LRRC37A2: variants seen among roughly 807,000 people sequenced by gnomAD.
The protein encoded by LRRC37A2 is leucine-rich repeat-containing protein 37A2.
LRRC37A2 carries 9 observed loss-of-function variants against 68.8 expected under a neutral mutation model. That is an observed-to-expected ratio of 0.13 (90% CI 0.08 to 0.23). The LOEUF (loss-of-function observed/expected upper bound fraction) is 0.23. Among genes scored for constraint, LRRC37A2 ranks in the 10% least tolerant of loss-of-function variants. LRRC37A2 has a pLI of 1.00. For missense variants in LRRC37A2, 168 were observed against 950.4 expected (o/e 0.18, Z 10.82); for synonymous variants, 63 against 367.6 (o/e 0.17, Z 9.48).
At chr17:46,783,852 A>G in the LRRC37A2 span, among the ~76,000 whole-genome samples, 1 of 152,230 alleles carries the variant, frequency 6.6e-6, no homozygotes, top group African/African-American at 2.4e-5. Context: ...GCAGCTAGAA[A>G]GGGGCCCTGA....
chr17:46,600,016 G>A, the LRRC37A2 span, among the ~76,000 whole-genome samples: 1 of 59,442 alleles, frequency 1.7e-5, no homozygotes, highest in South Asian at 6.5e-4. Context: ...GGAGTGCAGT[G>A]GCGCAGTCAT....
chr17:46,703,722 T>TAA, the LRRC37A2 span, among the ~76,000 whole-genome samples: 33 of 128,870 alleles, frequency 2.6e-4, no homozygotes, highest in Non-Finnish European at 8.4e-5. Context: ...CAGAAAACCA[T>TAA]AAAATTTACC....
chr17:46,975,759 C>T, the LRRC37A2 span, among the ~76,000 whole-genome samples: 12 of 152,152 alleles, frequency 7.9e-5, no homozygotes, highest in South Asian at 2.1e-4. Context: ...TTAGTACACA[C>T]GCGTCTTCAC....
chr17:46,827,043 T>C, the LRRC37A2 span, among the ~76,000 whole-genome samples: 3 of 152,146 alleles, frequency 2.0e-5, no homozygotes, highest in Non-Finnish European at 2.9e-5. Flanking sequence ...TCCCAGAGTG[T>C]TGGGATTACA....
chr17:46,791,687 A>C, the LRRC37A2 span, among the ~76,000 whole-genome samples: 1 of 152,228 alleles, frequency 6.6e-6, no homozygotes, highest in Non-Finnish European at 1.5e-5. Context: ...TTCTACTTAC[A>C]TTCATCACAG....
the LRRC37A2 span, among the ~76,000 whole-genome samples, chr17:46,719,561 G>A: frequency 2.6e-5 from 4 of 152,130 alleles, no homozygotes; most frequent in Admixed American, 1.3e-4. The surrounding 1 kb of genome is among the most constrained non-coding windows in gnomAD (Gnocchi z 4.3). Context: ...TTGTCCTCAC[G>A]TTCTGGGGGG....
chr17:46,888,431 G>C, the LRRC37A2 span, among the ~76,000 whole-genome samples: 3 of 152,168 alleles, frequency 2.0e-5, no homozygotes, highest in Non-Finnish European at 2.9e-5. Context: ...ATTGGCAGAG[G>C]CTAGGGAGAG....
the LRRC37A2 span, among the ~76,000 whole-genome samples, chr17:46,825,410 G>A: frequency 3.9e-5 from 6 of 152,350 alleles, no homozygotes; most frequent in South Asian, 8.3e-4. Context: ...CTCTGAGGGC[G>A]GAAAGTGTCT....
chr17:46,755,898 T>C, the LRRC37A2 span: 1 of 1,410,080 alleles, frequency 7.1e-7, no homozygotes, highest in Non-Finnish European at 9.9e-7. Flanking sequence ...TTCACTGTCT[T>C]ACTCAAGATA....
At chr17:46,885,648 A>C in the LRRC37A2 span, 3 of 152,194 alleles carry the variant, frequency 2.0e-5, no homozygotes, top group Non-Finnish European at 2.9e-5. Flanking sequence ...ATCTGTCAAT[A>C]TTGGCATCTT....
the LRRC37A2 span, among the ~76,000 whole-genome samples, chr17:46,739,823 C>G: frequency 1.3e-5 from 2 of 151,884 alleles, no homozygotes; most frequent in Non-Finnish European, 2.9e-5. Context: ...CTCAGCCTCC[C>G]AAGTAGCTGG....
At chr17:46,941,154 A>G in the LRRC37A2 span, 1 of 1,009,656 alleles carries the variant, frequency 9.9e-7, no homozygotes, top group Non-Finnish European at 1.2e-6. Context: ...TATTACATGG[A>G]CATTTACTTC....
the LRRC37A2 span, among the ~76,000 whole-genome samples, chr17:46,848,803 C>T: frequency 6.6e-6 from 1 of 152,252 alleles, no homozygotes; most frequent in Non-Finnish European, 1.5e-5. Context: ...GGCCCACCTA[C>T]ACCTGCTACG....
chr17:46,703,575 G>A, the LRRC37A2 span, among the ~76,000 whole-genome samples: 8 of 149,120 alleles, frequency 5.4e-5, 1 homozygote, highest in South Asian at 1.3e-3. Flanking sequence ...CCAGCTACTC[G>A]GGAGGCTGAG....
chr17:47,000,121 TAAAATAAA>T, the LRRC37A2 span, among the ~76,000 whole-genome samples: 1 of 132,776 alleles, frequency 7.5e-6, no homozygotes, highest in African/African-American at 2.7e-5. Context: ...TAAAATAAAA[TAAAATAAA>T]ATAAAATAGT....
the LRRC37A2 span, among the ~76,000 whole-genome samples, chr17:47,040,418 A>G: frequency 6.6e-6 from 1 of 152,000 alleles, no homozygotes; most frequent in African/African-American, 2.4e-5. Context: ...TAAAAGTTGA[A>G]TATTTTAAAT....
At chr17:46,743,565 C>A in the LRRC37A2 span, among the ~76,000 whole-genome samples, 3 of 152,194 alleles carry the variant, frequency 2.0e-5, no homozygotes, top group Admixed American at 2.0e-4. Flanking sequence ...TCTGTTGCAC[C>A]AAGCTACCTG....
At chr17:46,729,093 A>G in the LRRC37A2 span, among the ~76,000 whole-genome samples, 1 of 152,180 alleles carries the variant, frequency 6.6e-6, no homozygotes, top group Non-Finnish European at 1.5e-5. Flanking sequence ...TGTTTAAGGT[A>G]AATTATTTTA....
At chr17:46,995,239 T>C in the LRRC37A2 span, among the ~76,000 whole-genome samples, 106,458 of 152,100 alleles carry the variant, frequency 0.7, 37,883 homozygotes, top group Middle Eastern at 0.78. Flanking sequence ...GACCCTATGC[T>C]GTCTAAGCCC....
Sources: allele counts gnomAD v4.1 joint callset (sites outside exome capture counted in the v4.1 genomes callset), GRCh38; gene constraint gnomAD v4.1.1; non-coding constraint Gnocchi (gnomAD v3.1); transcripts MANE v1.5; gene names NCBI Gene and HGNC (gene_info 2026-07-23, HGNC 2026-07-21).